The following AP2A1 variants were observed in gnomAD, a reference collection of about 807,000 sequenced individuals.
The protein encoded by AP2A1 is AP-2 complex subunit alpha-1.
A neutral mutation model predicts 107.3 loss-of-function variants in AP2A1; 21 were observed. That is an observed-to-expected ratio of 0.20 (90% CI 0.14 to 0.28). AP2A1 has a LOEUF of 0.28. AP2A1 is among the 10% of genes least tolerant of loss of function. The pLI, the probability that AP2A1 is intolerant of heterozygous loss-of-function variation, is 1.00. For missense variants in AP2A1, 873 were observed against 1,307.7 expected (o/e 0.67, Z 5.13); for synonymous variants, 602 against 564.8 (o/e 1.07, Z -0.93).
At chr19:49,774,274 G>A (rs2084594763) in intron 1 of AP2A1, among the ~76,000 whole-genome samples, 1 of 152,132 alleles carries the variant, frequency 6.6e-6, no homozygotes, top group Non-Finnish European at 1.5e-5. Flanking sequence ...GGGGACTGAA[G>A]CAGCCGTACA....
chr19:49,787,326 C>CTTTTTTTTTTTTTTTT (rs201187935), intron 4 of AP2A1, among the ~76,000 whole-genome samples: 3 of 116,768 alleles, frequency 2.6e-5, no homozygotes, highest in African/African-American at 3.8e-5. Context: ...CCCATCTAGG[C>CTTTTTTTTTTTTTTTT]TTTTTTTGTT....
intron 6 of AP2A1, among the ~76,000 whole-genome samples, chr19:49,795,408 G>T (rs933527585): frequency 1.3e-5 from 2 of 152,162 alleles, no homozygotes; most frequent in African/African-American, 4.8e-5. Flanking sequence ...TGTAACCCCA[G>T]GACATTGCGG....
rs896253535 is a variant in AP2A1 at position 49,805,386 on chromosome 19, G to A, written c.2345-67G>A. On this transcript the variant is annotated intron_variant, in intron 18 of 22. Transcript: ENST00000354293. Reference sequence around the variant, plus strand: ...AGGCGGGAGCTGCCGGGAGCTCTGGGGTTCCTGACCCAGACCTCCCGGGGG... The same window carrying A: ...AGGCGGGAGCTGCCGGGAGCTCTGGAGTTCCTGACCCAGACCTCCCGGGGG... 4.1e-6 allele frequency: 6 copies of A among 1,460,932 alleles called. No individual in the cohort carries two copies. The African/African-American group carries it at 4.3e-5, about 10-fold the overall frequency. 90.5% of individuals were successfully genotyped at this position (1,460,932 alleles called of 1,614,324 possible).
chr19:49,795,587 T>TTTTATTGGGGTGC, intron 6 of AP2A1, 43 bp from the exon 7 acceptor site: 1 of 292,414 alleles, frequency 3.4e-6, no homozygotes, highest in Non-Finnish European at 6.7e-6. Context: ...CACGTGCCCC[T>TTTTATTGGGGTGC]CCCACCCCAG....
At chr19:49,775,822 A>T (rs915560853) in intron 1 of AP2A1, among the ~76,000 whole-genome samples, 1 of 152,188 alleles carries the variant, frequency 6.6e-6, no homozygotes, top group Non-Finnish European at 1.5e-5. Flanking sequence ...TTGCGGTGAG[A>T]TGCTGGGTGA....
At chr19:49,797,151 G>A (rs1331140759) in intron 7 of AP2A1, 1 of 152,236 alleles carries the variant, frequency 6.6e-6, no homozygotes, top group Non-Finnish European at 1.5e-5. Flanking sequence ...CCAACCCTCG[G>A]TGGTGTAGGA....
At chr19:49,786,513 C>T (rs1425239943) in intron 4 of AP2A1, among the ~76,000 whole-genome samples, 1 of 152,174 alleles carries the variant, frequency 6.6e-6, no homozygotes, top group Non-Finnish European at 1.5e-5. Context: ...GGTGAAGCCC[C>T]TGAGGGCAGG....
At position 49,805,675 on chromosome 19, in the gene AP2A1, C is replaced by G. The variant is rs1191769064; in HGVS notation, c.2483C>G (p.Pro828Arg). The change falls in exon 20 of 23, where the codon CCC (proline) becomes CGC (arginine). Residue 828 changes from proline (P) to arginine (R), a missense_variant. Physicochemically the swap from Pro to Arg is moderately radical, Grantham distance 103. Around this residue, in one of 4 missense-constraint regions of AP2A1, gnomAD observed 416 missense variants for 473.4 expected, o/e 0.88. Coordinates refer to ENST00000354293, the MANE Select transcript of AP2A1 (RefSeq NM_130787.3). ...LSVRFRYGGA[P>R]QALTLKLPVT... ...CACCTCATCAGGTACGGTGGCGCCC[C>G]CCAGGCCCTCACCCTGAAGCTCCCA... The G allele has an allele frequency of 6.4e-7, 1 of 1,563,532 alleles. No individual in the cohort carries two copies. The highest frequency in any genetic ancestry group is 8.7e-7 in the Non-Finnish European group (1 of 1,154,830).
At chr19:49,802,555 C>G in intron 15 of AP2A1, 1 of 1,606,656 alleles carries the variant, frequency 6.2e-7, no homozygotes, top group Non-Finnish European at 8.5e-7. Context: ...CGCCTGCCCC[C>G]GAGAGCCCCA....
At position 49,805,560 on chromosome 19, in the gene AP2A1, C is replaced by T; in HGVS notation, c.2452C>T (p.Leu818=). 1 of 1,578,218 alleles carries T rather than the reference C, an allele frequency of 6.3e-7. No homozygotes were observed. The highest frequency in any genetic ancestry group is 8.6e-7 in the Non-Finnish European group (1 of 1,162,230). ...GCGGGACTTCCTGACGCCCCCGCTG[C>T]TGTCCGTGCGCTTCCGGTGAGTCAG... ...CLRDFLTPPL[L]SVRFRYGGAP... is the part of the protein sequence containing the mutation. The change falls in exon 19 of 23, where the codon CTG becomes TTG. Residue 818 remains leucine, a synonymous_variant. Coordinates refer to ENST00000354293, the MANE Select transcript of AP2A1 (RefSeq NM_130787.3).
intron 18 of AP2A1, among the ~76,000 whole-genome samples, chr19:49,804,701 T>G (rs1479155803): frequency 2.0e-5 from 3 of 152,216 alleles, no homozygotes; most frequent in African/African-American, 7.2e-5. Context: ...CTTTGTGTAC[T>G]TACCATGTGC....
At position 49,779,305 on chromosome 19, in the gene AP2A1, C is replaced by G. The variant is rs148275100; in HGVS notation, c.68-2452C>G. 5.9e-3 allele frequency among the ~76,000 whole-genome samples: 875 copies of G among 147,412 alleles called. 12 individuals are homozygous for G. The highest frequency in any genetic ancestry group is 0.021 in the African/African-American group (819 of 39,816). ...TGAGCTGAAATTGCGCCACTGCACTCCAGCCTGGGTGACACAGTGAGACTC... is the reference window on the plus strand; with the variant it reads ...TGAGCTGAAATTGCGCCACTGCACTGCAGCCTGGGTGACACAGTGAGACTC... On this transcript the variant is annotated intron_variant, in intron 1 of 22. Transcript: ENST00000354293.
chr19:49,777,677 T>G (rs2084630598), intron 1 of AP2A1, among the ~76,000 whole-genome samples: 1 of 149,900 alleles, frequency 6.7e-6, no homozygotes, highest in South Asian at 2.1e-4. Flanking sequence ...CGGTGGCCCA[T>G]GCCTATAATC....
Position 49,806,800 on chromosome 19 carries a change from G to C in AP2A1, c.*42G>C, listed in dbSNP as rs2073402095. 2 of 1,612,266 alleles carry C rather than the reference G, an allele frequency of 1.2e-6. No individual in the cohort carries two copies. Among genetic ancestry groups the C allele is most frequent in the Admixed American group, 1.7e-5 (1 of 59,900 alleles). On this transcript the variant is annotated 3_prime_UTR_variant, in exon 23 of 23. Transcript: ENST00000354293. ...CGGGGGATGTGGCCGGCACTGGGCA[G>C]CCCCTTGGACTGAGGCAGTTTTGGT... is the stretch of plus-strand genomic sequence containing the variant.
rs765567422 is a variant in AP2A1, at chr19:49,801,385, C to T, written c.1554-5C>T. 2.5e-6 allele frequency: 4 copies of T among 1,612,296 alleles called. No homozygotes were observed. The African/African-American group carries it at 4.0e-5, about 16-fold the overall frequency. ...GGCCCCGCTGACACCCACTCCTGCACACAGCCCCCCAGTGCAGTTCTCCCT... is the reference window on the plus strand; with the variant it reads ...GGCCCCGCTGACACCCACTCCTGCATACAGCCCCCCAGTGCAGTTCTCCCT... On this transcript the variant is annotated splice_region_variant and splice_polypyrimidine_tract_variant and intron_variant, in intron 12 of 22. Coordinates refer to ENST00000354293, the MANE Select transcript of AP2A1 (RefSeq NM_130787.3).
chr19:49,792,987 G>A lies in AP2A1; in HGVS notation c.604-4G>A. On this transcript the variant is annotated splice_region_variant and splice_polypyrimidine_tract_variant and intron_variant, in intron 5 of 22. Coordinates refer to ENST00000354293, the MANE Select transcript of AP2A1 (RefSeq NM_130787.3). ...CCTGACTTGTCTCTCCTCTGCCCCT[G>A]CAGGGTGTGGTCACGGCCGCCGTCA... The A allele has an allele frequency of 6.3e-7, 1 of 1,595,420 alleles. No individual in the cohort carries two copies. The highest frequency in any genetic ancestry group is 1.1e-5 in the South Asian group (1 of 87,966).
chr19:49,805,365 G>T, intron 18 of AP2A1, 88 bp from the exon 19 acceptor site: 1 of 1,401,930 alleles, frequency 7.1e-7, no homozygotes, highest in Non-Finnish European at 9.4e-7. Context: ...ACCTGCAGGC[G>T]GGAGCTGCCG....
At chr19:49,795,153 C>T (rs2073196275) in intron 6 of AP2A1, among the ~76,000 whole-genome samples, 1 of 152,222 alleles carries the variant, frequency 6.6e-6, no homozygotes, top group African/African-American at 2.4e-5. Flanking sequence ...ACGGAGGAAG[C>T]CTGGGGCATG....
intron 15 of AP2A1, 50 bp from the exon 16 acceptor site, chr19:49,802,899 G>GC: frequency 1.3e-6 from 2 of 1,583,728 alleles, no homozygotes; most frequent in East Asian, 2.3e-5. Flanking sequence ...CTGGGCCTTT[G>GC]CCCCTCCCCA....
Sources: gnomAD v4.1 joint callset for allele counts (sites outside exome capture counted in the v4.1 genomes callset) on GRCh38, gnomAD v4.1.1 for gene constraint, gnomAD v4.1.1 regional missense constraint, MANE v1.5 for transcripts, NCBI Gene and HGNC (gene_info 2026-07-23, HGNC 2026-07-21) for gene names.